Variants in INPP5D observed in about 807,000 individuals in gnomAD.
INPP5D encodes phosphatidylinositol 3,4,5-trisphosphate 5-phosphatase 1.
Under a neutral mutation model 122.9 loss-of-function variants are expected in INPP5D, and 33 were observed. That is an observed-to-expected ratio of 0.27 (90% confidence interval 0.20 to 0.36). INPP5D has a LOEUF of 0.36. Ranked by LOEUF, INPP5D falls within the 10% of genes least tolerant of loss-of-function variation. The pLI is 1.00. For missense variants in INPP5D, 1,053 were observed against 1,412.7 expected (o/e 0.75, Z 4.08); for synonymous variants, 584 against 576.2 (o/e 1.01, Z -0.19).
chr2:233,095,953 C>T (rs1346515604), intron 2 of INPP5D, among the ~76,000 whole-genome samples: 4 of 152,162 alleles, frequency 2.6e-5, no homozygotes, highest in Non-Finnish European at 1.5e-5. Context: ...GATTTGCTTT[C>T]TTCCCTTAGC....
chr2:233,136,429 A>C (rs574468866), intron 5 of INPP5D, among the ~76,000 whole-genome samples: 1 of 151,516 alleles, frequency 6.6e-6, no homozygotes, highest in East Asian at 1.9e-4. Flanking sequence ...CAGTGAGCCG[A>C]GATGGTGCCA....
chr2:233,194,145 A>G (rs1439658004), intron 23 of INPP5D, among the ~76,000 whole-genome samples, 184 bp downstream of exon 23: 1 of 152,134 alleles, frequency 6.6e-6, no homozygotes, highest in Non-Finnish European at 1.5e-5. Flanking sequence ...TCCCAACAGA[A>G]CCCAACATCC....
intron 18 of INPP5D, 114 bp from the exon 19 acceptor site, chr2:233,182,296 G>A (rs1052598828): frequency 5.0e-5 from 74 of 1,467,342 alleles, no homozygotes; most frequent in Admixed American, 9.0e-5. Flanking sequence ...GCAAAACTTC[G>A]CACTTCTGGA....
At chr2:233,175,993 C>T (rs1196434632) in intron 17 of INPP5D, among the ~76,000 whole-genome samples, 1 of 152,100 alleles carries the variant, frequency 6.6e-6, no homozygotes, top group Non-Finnish European at 1.5e-5. Flanking sequence ...GAAAATAGAA[C>T]ATTCTTGAAA....
intron 13 of INPP5D, among the ~76,000 whole-genome samples, chr2:233,167,028 G>C (rs576080033): frequency 6.6e-6 from 1 of 151,404 alleles, no homozygotes; most frequent in South Asian, 2.1e-4. Context: ...CTTTCTAAGA[G>C]TGTGCCCTAA....
rs542828763 is a variant in INPP5D at position 233,116,858 on chromosome 2, T to C, written c.199-5249T>C. On this transcript the variant is annotated intron_variant, in intron 2 of 26. Coordinates refer to ENST00000445964, the MANE Select transcript of INPP5D (RefSeq NM_001017915.3). The stretch of plus-strand genomic sequence containing the variant: ...GATCCACCCACCTCGGCCTCCCAAA[T>C]TGCTGGGATTACAGGCGTGAGCCAC... 7.3e-5 allele frequency among the ~76,000 whole-genome samples: 11 copies of C among 150,264 alleles called. 1 individual carries two copies. In the East Asian group the frequency reaches 2.2e-3, roughly 30 times the overall value.
chr2:233,073,490 A>G (rs917450210), intron 1 of INPP5D, among the ~76,000 whole-genome samples: 5 of 152,016 alleles, frequency 3.3e-5, no homozygotes, highest in Admixed American at 6.6e-5. Flanking sequence ...AAGTACAAAC[A>G]TTAGCCGAAC....
chr2:233,198,413 C>T (rs764583920), intron 25 of INPP5D, 37 bp downstream of exon 25: 4 of 1,579,306 alleles, frequency 2.5e-6, no homozygotes. Flanking sequence ...TCCCTCCCTC[C>T]TTATGAAAGC....
At chr2:233,090,579 G>A (rs1013131242) in intron 2 of INPP5D, among the ~76,000 whole-genome samples, 8 of 152,110 alleles carry the variant, frequency 5.3e-5, no homozygotes, top group East Asian at 3.9e-4. Context: ...AGTTCTCAGC[G>A]CCCTCACACA....
intron 22 of INPP5D, 86 bp downstream of exon 22, chr2:233,190,023 C>A: frequency 1.9e-6 from 3 of 1,549,720 alleles, no homozygotes; most frequent in Admixed American, 1.9e-5. Flanking sequence ...TCACCTGGCA[C>A]TTCCGGTCAT....
intron 1 of INPP5D, among the ~76,000 whole-genome samples, chr2:233,069,999 T>G (rs1266621366): frequency 6.6e-6 from 1 of 152,222 alleles, no homozygotes; most frequent in Non-Finnish European, 1.5e-5. Flanking sequence ...TCTGAATATT[T>G]TCATTTCAAA....
At chr2:233,132,692 C>A (rs533225336) in intron 5 of INPP5D, among the ~76,000 whole-genome samples, 2 of 152,258 alleles carry the variant, frequency 1.3e-5, no homozygotes, top group South Asian at 4.1e-4. Flanking sequence ...TTTCAAACTG[C>A]TTTGATTAGA....
At chr2:233,067,870 G>A (rs961364380) in intron 1 of INPP5D, among the ~76,000 whole-genome samples, 1 of 152,188 alleles carries the variant, frequency 6.6e-6, no homozygotes, top group Non-Finnish European at 1.5e-5. Flanking sequence ...AGAAAACAGG[G>A]TTGTTTGTCT....
chr2:233,182,648 C>A, intron 19 of INPP5D, 149 bp downstream of exon 19: 1 of 1,280,470 alleles, frequency 7.8e-7, no homozygotes. Context: ...CTTCATGTCC[C>A]AGCCACAGCA....
In INPP5D at chr2:233,177,473, C is replaced by A; in HGVS notation, c.2071+127C>A. ...TCAAAGGGAGGAATTCACTGTAACC[C>A]TAATCAGGCGACCTGGAAATGTTGA... On this transcript the variant is annotated intron_variant, in intron 18 of 26. Transcript: ENST00000445964. The surrounding 1 kb of genome is among the most constrained non-coding windows in gnomAD (Gnocchi z 4.2). 1 of 1,476,214 alleles carries A rather than the reference C, an allele frequency of 6.8e-7. No individual in the cohort carries two copies. The highest frequency in any genetic ancestry group is 9.2e-7 in the Non-Finnish European group (1 of 1,082,292). 91.4% of individuals were successfully genotyped at this position (1,476,214 alleles called of 1,614,324 possible). A position where few individuals can be genotyped will look rare whatever the true frequency, so the allele number is the denominator to read the frequency against.
chr2:233,141,247 AAG>A (rs1693625631), intron 6 of INPP5D: 1 of 152,196 alleles, frequency 6.6e-6, no homozygotes, highest in Non-Finnish European at 1.5e-5. Context: ...CAAGTACACA[AAG>A]AGTAACAGAA....
chr2:233,084,571 AAAC>A (rs1266142704), intron 2 of INPP5D, among the ~76,000 whole-genome samples: 1 of 152,222 alleles, frequency 6.6e-6, no homozygotes, highest in Non-Finnish European at 1.5e-5. Context: ...AGGGAAAACA[AAAC>A]AACTTTCTAA....
chr2:233,204,519 G>A lies in INPP5D; in HGVS notation c.3369G>A (p.Lys1123=). 1 of 1,581,408 alleles carries A rather than the reference G, an allele frequency of 6.3e-7. No homozygotes were observed. The highest frequency in any genetic ancestry group is 8.6e-7 in the Non-Finnish European group (1 of 1,165,198). Residue 1123 remains lysine (K), a synonymous_variant, in exon 26 of 27, where the codon AAG becomes AAA. Coordinates refer to ENST00000445964, the MANE Select transcript of INPP5D (RefSeq NM_001017915.3). ...QAPVPAKRPI[K]PSRSEINQQT... is the part of the protein sequence containing the mutation. ...CGGTGCCGGCCAAGAGGCCCATCAAGCCTTCCAGATCGGAAATCAACCAGC... is the reference window on the plus strand; with the variant it reads ...CGGTGCCGGCCAAGAGGCCCATCAAACCTTCCAGATCGGAAATCAACCAGC...
chr2:233,126,750 T>C (rs905761639), intron 4 of INPP5D, among the ~76,000 whole-genome samples: 1 of 151,998 alleles, frequency 6.6e-6, no homozygotes, highest in Non-Finnish European at 1.5e-5. Flanking sequence ...CAAAACCCCT[T>C]CTCCACTAAA....
Sources: allele counts gnomAD v4.1 joint callset (sites outside exome capture counted in the v4.1 genomes callset), GRCh38; gene constraint gnomAD v4.1.1; non-coding constraint Gnocchi (gnomAD v3.1); transcripts MANE v1.5; gene names NCBI Gene and HGNC (gene_info 2026-07-23, HGNC 2026-07-21).